The following FGGY variants were observed in gnomAD, a reference collection of about 807,000 sequenced individuals.
FGGY encodes the protein FGGY carbohydrate kinase domain containing.
Under a neutral mutation model 71.3 loss-of-function variants are expected in FGGY, and 72 were observed. The observed-to-expected ratio is 1.01, with a 90% CI of 0.84 to 1.23. FGGY has a LOEUF of 1.23. FGGY is among the 50% of genes most tolerant of loss of function. The pLI, the probability that FGGY is intolerant of heterozygous loss-of-function variation, is 0.00. For synonymous variants in FGGY, 251 were observed against 250.3 expected (o/e 1.00, Z -0.02); for missense variants, 668 against 682.3 (o/e 0.98, Z 0.23).
chr1:59,518,238 C>T (rs1439404841), intron 7 of FGGY, among the ~76,000 whole-genome samples: 3 of 152,164 alleles, frequency 2.0e-5, no homozygotes, highest in Admixed American at 6.5e-5. Context: ...CCTAGAACAA[C>T]ACATAGTTTG....
intron 7 of FGGY, among the ~76,000 whole-genome samples, chr1:59,523,678 A>C (rs2094897830): frequency 6.6e-6 from 1 of 152,168 alleles, no homozygotes. Context: ...CCCCCAGCCC[A>C]CCTTTCCATA....
chr1:59,706,914 A>T (rs1301804210), intron 14 of FGGY, among the ~76,000 whole-genome samples: 1 of 152,228 alleles, frequency 6.6e-6, no homozygotes, highest in Non-Finnish European at 1.5e-5. Context: ...TGTTACCTGT[A>T]TCTCCTGTCC....
chr1:59,541,462 G>T (rs2095438717), intron 7 of FGGY, among the ~76,000 whole-genome samples: 1 of 152,132 alleles, frequency 6.6e-6, no homozygotes, highest in Non-Finnish European at 1.5e-5. Context: ...CAAGATGGTA[G>T]CTGCTCCATC....
chr1:59,349,292 G>T (rs2052761922), intron 4 of FGGY, among the ~76,000 whole-genome samples: 1 of 152,130 alleles, frequency 6.6e-6, no homozygotes, highest in Non-Finnish European at 1.5e-5. Context: ...CTTCAATTTG[G>T]CCTAAACTTG....
chr1:59,512,236 C>T, intron 6 of FGGY, 75 bp from the exon 7 acceptor site: 2 of 1,467,034 alleles, frequency 1.4e-6, no homozygotes, highest in Non-Finnish European at 1.8e-6. Context: ...CAAAGAGTTT[C>T]TCTTAAAAAA....
intron 7 of FGGY, among the ~76,000 whole-genome samples, chr1:59,551,532 A>G (rs568735088): frequency 1.3e-5 from 2 of 152,266 alleles, no homozygotes; most frequent in African/African-American, 4.8e-5. Flanking sequence ...AGGATCTCAG[A>G]ATCAATATAT....
chr1:59,607,979 G>A (rs2096639778), intron 9 of FGGY, 69 bp downstream of exon 9: 1 of 1,291,364 alleles, frequency 7.7e-7, no homozygotes, highest in South Asian at 1.2e-5. Context: ...TTTGTCACAT[G>A]ACCCATATAC....
At chr1:59,395,035 T>C (rs2153387928) in intron 5 of FGGY, among the ~76,000 whole-genome samples, 1 of 152,162 alleles carries the variant, frequency 6.6e-6, no homozygotes, top group East Asian at 1.9e-4. Context: ...AAATATTATT[T>C]GTGAATTTTG....
chr1:59,648,751 T>C (rs2097125948), intron 11 of FGGY, among the ~76,000 whole-genome samples: 3 of 151,576 alleles, frequency 2.0e-5, no homozygotes, highest in Non-Finnish European at 1.5e-5. Flanking sequence ...CTCTTTAGTT[T>C]AATTAGATCC....
chr1:59,613,477 C>G (rs1282082083), intron 9 of FGGY, among the ~76,000 whole-genome samples: 2 of 152,196 alleles, frequency 1.3e-5, no homozygotes, highest in Non-Finnish European at 2.9e-5. Context: ...ATACCAGAAT[C>G]TCTGGGACAC....
intron 5 of FGGY, among the ~76,000 whole-genome samples, chr1:59,381,088 G>GATC (rs1557740728): frequency 6.6e-6 from 1 of 152,162 alleles, no homozygotes; most frequent in African/African-American, 2.4e-5. Context: ...GTTTGTCAAA[G>GATC]ATCAGATGGT....
chr1:59,658,536 T>A (rs987985256), intron 11 of FGGY, among the ~76,000 whole-genome samples: 2 of 152,278 alleles, frequency 1.3e-5, no homozygotes, highest in Non-Finnish European at 1.5e-5. Context: ...TAATTCAGCA[T>A]AGCTGGAGCA....
intron 6 of FGGY, among the ~76,000 whole-genome samples, chr1:59,466,395 A>T (rs953511159): frequency 4.6e-5 from 7 of 152,214 alleles, no homozygotes; most frequent in Non-Finnish European, 8.8e-5. Flanking sequence ...CTAAAACCAT[A>T]AAAACCCTAG....
chr1:59,460,649 G>A (rs1052901992), intron 6 of FGGY, among the ~76,000 whole-genome samples: 5 of 152,244 alleles, frequency 3.3e-5, no homozygotes, highest in Non-Finnish European at 7.3e-5. Flanking sequence ...ACACCTCCCA[G>A]TAGGGGCCGA....
At chr1:59,743,175 C>A (rs1249336207) in intron 14 of FGGY, among the ~76,000 whole-genome samples, 1 of 152,140 alleles carries the variant, frequency 6.6e-6, no homozygotes, top group Non-Finnish European at 1.5e-5. Context: ...TTAAATGTAT[C>A]ATGTTGTCTT....
chr1:59,628,577 G>T (rs578063973), intron 10 of FGGY, among the ~76,000 whole-genome samples: 436 of 152,304 alleles, frequency 2.9e-3, no homozygotes, highest in Non-Finnish European at 4.5e-3. Flanking sequence ...CTTAGGTGAT[G>T]AGTAAAAGGG....
intron 14 of FGGY, among the ~76,000 whole-genome samples, chr1:59,717,173 GCTTA>G (rs1025374498): frequency 5.9e-5 from 9 of 152,222 alleles, no homozygotes; most frequent in East Asian, 3.9e-4. Context: ...GAAATATTCT[GCTTA>G]CTTAGTTCAA....
chr1:59,637,702 G>T (rs1453514814), intron 10 of FGGY, among the ~76,000 whole-genome samples: 1 of 152,132 alleles, frequency 6.6e-6, no homozygotes, highest in Non-Finnish European at 1.5e-5. Context: ...ATGACATTCA[G>T]TCACTTTACT....
At chr1:59,746,610 G>C (rs2098200245) in intron 14 of FGGY, among the ~76,000 whole-genome samples, 1 of 152,088 alleles carries the variant, frequency 6.6e-6, no homozygotes, top group Non-Finnish European at 1.5e-5. Context: ...ATCTCAGTCA[G>C]CCTTCTGAGT....
Sources: allele counts gnomAD v4.1 joint callset (sites outside exome capture counted in the v4.1 genomes callset), GRCh38; gene constraint gnomAD v4.1.1; transcripts MANE v1.5; gene names NCBI Gene and HGNC (gene_info 2026-07-23, HGNC 2026-07-21).